Variants in CPEB2 observed in about 807,000 individuals in gnomAD.
CPEB2 encodes cytoplasmic polyadenylation element binding protein 2.
A neutral mutation model predicts 93.6 loss-of-function variants in CPEB2; 56 were observed. The observed-to-expected ratio is 0.60, with a 90% CI of 0.48 to 0.75. The LOEUF (loss-of-function observed/expected upper bound fraction) is 0.75, where lower values mean the gene tolerates loss of function less well. Ranked by LOEUF, CPEB2 falls within the 30% of genes least tolerant of loss-of-function variation. The pLI, the probability that CPEB2 is intolerant of heterozygous loss-of-function variation, is 0.00. For synonymous variants in CPEB2, 764 were observed against 586.3 expected (o/e 1.30, Z -4.38); for missense variants, 1,579 against 1,395.1 (o/e 1.13, Z -2.10).
Position 15,058,571 on chromosome 4 carries a change from A to C in CPEB2, c.2580+32A>C, listed in dbSNP as rs116000533. 3,204 of 1,253,754 alleles carry C rather than the reference A, an allele frequency of 2.6e-3. 66 individuals carry two copies. In the African/African-American group the frequency reaches 0.043, roughly 17 times the overall value. The allele number at this position is 1,253,754 out of a possible 1,614,324, so 77.7% of individuals were successfully genotyped here. On this transcript the variant is annotated intron_variant, in intron 9 of 11. Transcript: ENST00000538197. Reference sequence around the variant, plus strand: ...AAATACCACATGAACTTCAGGCTACAAATGCAAATTTTTCAAAAATTGTTT... The same window carrying C: ...AAATACCACATGAACTTCAGGCTACCAATGCAAATTTTTCAAAAATTGTTT...
Position 15,069,830 on chromosome 4 carries a change from T to C in CPEB2, c.*3450T>C, listed in dbSNP as rs2109128078. 1 of 152,312 alleles carries C rather than the reference T, an allele frequency of 6.6e-6. No individual in the cohort carries two copies. 9.4% of individuals were successfully genotyped at this position (152,312 alleles called of 1,614,324 possible). ...TGTTTGGATTGTAATTATAAATGGT[T>C]CTTTGATATGCAAATTAATATTTTC... On this transcript the variant is annotated 3_prime_UTR_variant, in exon 12 of 12. Coordinates refer to ENST00000538197, the MANE Select transcript of CPEB2 (RefSeq NM_001177382.2).
chr4:15,048,321 T>G (rs1346224418), intron 6 of CPEB2, among the ~76,000 whole-genome samples: 1 of 152,000 alleles, frequency 6.6e-6, no homozygotes, highest in African/African-American at 2.4e-5. Context: ...CTAGTTCATT[T>G]GCCAGTAAAG....
At chr4:15,011,529 A>G (rs1038484632) in intron 3 of CPEB2, among the ~76,000 whole-genome samples, 4 of 152,204 alleles carry the variant, frequency 2.6e-5, no homozygotes, top group Admixed American at 1.3e-4. Context: ...ATTTGCAGCC[A>G]GATCCAGCAA....
chr4:15,057,103 C>G (rs575608017), intron 8 of CPEB2, among the ~76,000 whole-genome samples: 2 of 151,850 alleles, frequency 1.3e-5, no homozygotes, highest in African/African-American at 4.8e-5. Flanking sequence ...TTACAAAATA[C>G]TTGTAGTTCC....
intron 7 of CPEB2, 93 bp downstream of exon 7, chr4:15,052,677 T>C: frequency 1.4e-6 from 1 of 719,032 alleles, no homozygotes. Context: ...TGAAAGTTTT[T>C]ACCACCTAGA....
chr4:15,051,489 G>A (rs780270663), intron 6 of CPEB2, among the ~76,000 whole-genome samples: 92 of 152,072 alleles, frequency 6.0e-4, no homozygotes, highest in Admixed American at 1.9e-3. Flanking sequence ...CCATGTTCCT[G>A]TAAATATTTC....
At chr4:15,008,900 TA>T (rs1723138954) in intron 3 of CPEB2, among the ~76,000 whole-genome samples, 1 of 152,320 alleles carries the variant, frequency 6.6e-6, no homozygotes, top group East Asian at 1.9e-4. Flanking sequence ...TCACCTTTAT[TA>T]AAAAATATAT....
chr4:15,028,740 A>G (rs960010077), intron 4 of CPEB2, among the ~76,000 whole-genome samples: 7 of 151,824 alleles, frequency 4.6e-5, no homozygotes, highest in African/African-American at 1.2e-4. Flanking sequence ...TTTCAAGCAG[A>G]AAAAAAAGGA....
chr4:15,012,538 T>C, intron 3 of CPEB2, among the ~76,000 whole-genome samples: 1 of 152,168 alleles, frequency 6.6e-6, no homozygotes, highest in Middle Eastern at 3.2e-3. Context: ...GTTATCTATG[T>C]AGAACAACTA....
At chr4:15,052,660 T>C in intron 7 of CPEB2, 76 bp downstream of exon 7, 1 of 1,003,074 alleles carries the variant, frequency 1.0e-6, no homozygotes. Context: ...TTAATGTGAA[T>C]GGACTATGAA....
At chr4:15,053,169 A>G (rs1353264800) in intron 7 of CPEB2, among the ~76,000 whole-genome samples, 2 of 151,928 alleles carry the variant, frequency 1.3e-5, no homozygotes, top group Non-Finnish European at 2.9e-5. Context: ...GGCGCCCGCC[A>G]CCATGCCCCG....
chr4:15,003,511 G>C lies in CPEB2; in HGVS notation c.838G>C (p.Gly280Arg). The C allele has an allele frequency of 3.5e-6, 5 of 1,422,542 alleles. No homozygotes were observed. Among genetic ancestry groups the C allele is most frequent in the Non-Finnish European group, 4.6e-6 (5 of 1,091,492 alleles). 88.1% of individuals were successfully genotyped at this position (1,422,542 alleles called of 1,614,324 possible). ...AAPRRRHGGA[G>R]SPRKTPAAGE... ...CCCGCGGCGCCGCCACGGAGGCGCGGGCAGCCCTCGCAAGACCCCAGCCGC... is the reference window on the plus strand; with the variant it reads ...CCCGCGGCGCCGCCACGGAGGCGCGCGCAGCCCTCGCAAGACCCCAGCCGC... The change falls in exon 1 of 12, where the codon GGC becomes CGC. Residue 280 changes from glycine (G) to arginine (R), a missense_variant. Physicochemically the swap from Gly to Arg is moderately radical, Grantham distance 125 (BLOSUM62 -2). Transcript: ENST00000538197.
In CPEB2 at chr4:15,066,337, A is replaced by C. The variant is rs1249413010; in HGVS notation, c.3062A>C (p.Glu1021Ala). Reference sequence around the variant, plus strand: ...GAGTTCCATAAGCCATTGGTAAAGGAAGGTGCTGATCGCCCACGTCAGATC... The same window carrying C: ...GAGTTCCATAAGCCATTGGTAAAGGCAGGTGCTGATCGCCCACGTCAGATC... ...GREFHKPLVK[E>A]GADRPRQIHF... The change falls in exon 12 of 12, where the codon GAA becomes GCA. Residue 1021 changes from glutamate (E) to alanine (A), a missense_variant. By Grantham distance (107) the Glu-to-Ala change is moderately radical. Coordinates refer to ENST00000538197, the MANE Select transcript of CPEB2 (RefSeq NM_001177382.2). 1 of 1,612,984 alleles carries C rather than the reference A, an allele frequency of 6.2e-7. No individual in the cohort carries two copies. Among genetic ancestry groups the C allele is most frequent in the Admixed American group, 1.7e-5 (1 of 59,850 alleles).
At chr4:15,008,964 T>C (rs1482376675) in intron 3 of CPEB2, among the ~76,000 whole-genome samples, 1 of 152,230 alleles carries the variant, frequency 6.6e-6, no homozygotes, top group Non-Finnish European at 1.5e-5. Context: ...TTATTCCAAA[T>C]AATCAGTTTC....
intron 6 of CPEB2, among the ~76,000 whole-genome samples, chr4:15,051,617 T>C (rs1371716011): frequency 6.6e-6 from 1 of 152,240 alleles, no homozygotes. Flanking sequence ...TTTATTTGAC[T>C]CCTTTCCTCC....
At chr4:15,040,758 A>G (rs754936248) in intron 6 of CPEB2, among the ~76,000 whole-genome samples, 85 of 152,166 alleles carry the variant, frequency 5.6e-4, no homozygotes, top group Non-Finnish European at 1.0e-3. Flanking sequence ...TCTTAAAATA[A>G]AGCTGCTGTT....
intron 11 of CPEB2, among the ~76,000 whole-genome samples, chr4:15,065,231 G>T (rs1729596313): frequency 6.6e-6 from 1 of 151,960 alleles, no homozygotes; most frequent in African/African-American, 2.4e-5. Context: ...AATACATTCA[G>T]AATACAAACT....
At chr4:15,055,491 A>C (rs1011931427) in intron 8 of CPEB2, among the ~76,000 whole-genome samples, 1 of 152,114 alleles carries the variant, frequency 6.6e-6, no homozygotes, top group African/African-American at 2.4e-5. Flanking sequence ...TTGAATACTC[A>C]AGAGTATTGA....
intron 7 of CPEB2, 24 bp downstream of exon 7, chr4:15,052,608 CATG>C: frequency 7.1e-7 from 1 of 1,412,774 alleles, no homozygotes. Context: ...TATTTATTAA[CATG>C]GTGATTTGGG....
Sources: gnomAD v4.1 joint callset for allele counts (sites outside exome capture counted in the v4.1 genomes callset) on GRCh38, gnomAD v4.1.1 for gene constraint, MANE v1.5 for transcripts, NCBI Gene and HGNC (gene_info 2026-07-23, HGNC 2026-07-21) for gene names.